The following MYO16 variants were observed in gnomAD, a reference collection of about 807,000 sequenced individuals.
The protein encoded by MYO16 is unconventional myosin-XVI.
In MYO16, 94 loss-of-function variants were observed where a neutral mutation model predicts 205.3. The observed-to-expected ratio is 0.46, with a 90% confidence interval of 0.39 to 0.54. MYO16 has a LOEUF of 0.54. Among genes scored for constraint, MYO16 ranks in the 20% least tolerant of loss-of-function variants. MYO16 has a pLI of 0.00. For missense variants in MYO16, 2,315 were observed against 2,387.5 expected (o/e 0.97, Z 0.63); for synonymous variants, 988 against 954.0 (o/e 1.04, Z -0.66).
intron 34 of MYO16, among the ~76,000 whole-genome samples, chr13:109,197,344 A>G (rs2139960444): frequency 6.6e-6 from 1 of 151,774 alleles, no homozygotes; most frequent in African/African-American, 2.4e-5. Context: ...GCTTGAAGGC[A>G]CTCTCTTCTG....
intron 34 of MYO16, among the ~76,000 whole-genome samples, chr13:109,199,578 A>T (rs1172764198): frequency 6.6e-6 from 1 of 152,182 alleles, no homozygotes; most frequent in African/African-American, 2.4e-5. Flanking sequence ...ATGGAAAATG[A>T]GCTTTAAGTT....
intron 2 of MYO16, among the ~76,000 whole-genome samples, chr13:108,677,266 A>G (rs1882254131): frequency 6.6e-6 from 1 of 150,640 alleles, no homozygotes; most frequent in Non-Finnish European, 1.5e-5. Context: ...GAGACTGTGT[A>G]TGAGTCAGAG....
the MYO16 span, among the ~76,000 whole-genome samples, chr13:108,573,911 C>T: frequency 9.2e-5 from 14 of 152,146 alleles, no homozygotes; most frequent in Non-Finnish European, 1.9e-4. Context: ...AGTCCAGTGG[C>T]ACAATCATGA....
At chr13:109,187,217 T>G (rs1378688162) in intron 34 of MYO16, among the ~76,000 whole-genome samples, 1 of 152,224 alleles carries the variant, frequency 6.6e-6, no homozygotes, top group East Asian at 1.9e-4. Context: ...ATTTTCCACA[T>G]ATTCTGGATA....
the MYO16 span, among the ~76,000 whole-genome samples, chr13:108,554,626 G>A: frequency 9.2e-5 from 14 of 152,074 alleles, no homozygotes; most frequent in Non-Finnish European, 1.6e-4. Flanking sequence ...GAGGCGGGCG[G>A]ATCACGATGT....
At chr13:108,808,996 T>G (rs1441436270) in intron 7 of MYO16, among the ~76,000 whole-genome samples, 1 of 152,216 alleles carries the variant, frequency 6.6e-6, no homozygotes, top group Non-Finnish European at 1.5e-5. Context: ...TACCTGCCTT[T>G]ACCTGTCACA....
In MYO16 at chr13:108,910,168, T is replaced by C; in HGVS notation, c.1925+18T>C. ...GCACACCGGTGAGTGACTAAGTATT[T>C]TGTATCTAAAAGCTATGCCTTCAAA... On this transcript the variant is annotated intron_variant, in intron 16 of 34. Transcript: ENST00000457511. 1 of 1,604,968 alleles carries C rather than the reference T, an allele frequency of 6.2e-7. No homozygotes were observed. Among genetic ancestry groups the C allele is most frequent in the Non-Finnish European group, 8.5e-7 (1 of 1,174,476 alleles).
intron 2 of MYO16, among the ~76,000 whole-genome samples, chr13:108,702,858 C>T (rs1423371921): frequency 6.6e-6 from 1 of 151,860 alleles, no homozygotes; most frequent in Non-Finnish European, 1.5e-5. Flanking sequence ...ATTTAGTTGA[C>T]ATTAATTTGA....
At chr13:108,988,767 T>C (rs1340423384) in intron 20 of MYO16, among the ~76,000 whole-genome samples, 1 of 152,166 alleles carries the variant, frequency 6.6e-6, no homozygotes, top group Non-Finnish European at 1.5e-5. Flanking sequence ...GGGTCTCTTC[T>C]GCCAAGGTCA....
chr13:108,615,608 A>G (rs549840597), intron 1 of MYO16, among the ~76,000 whole-genome samples: 3 of 152,274 alleles, frequency 2.0e-5, no homozygotes, highest in Non-Finnish European at 2.9e-5. Flanking sequence ...GCAATTGAGT[A>G]TTATTCAATA....
Position 108,697,359 on chromosome 13 carries a change from G to A in MYO16, c.293-15302G>A, listed in dbSNP as rs971188822. Among the ~76,000 whole-genome samples, 17 of 152,248 alleles carry A rather than the reference G, an allele frequency of 1.1e-4. No individual in the cohort carries two copies. The South Asian group carries it at 1.2e-3, about 11-fold the overall frequency. On this transcript the variant is annotated intron_variant, in intron 2 of 34. Coordinates refer to ENST00000457511, the MANE Select transcript of MYO16 (RefSeq NM_001198950.3). ...TCTGTTTACCTTCCACTGTGATCAC[G>A]AAGTTGGCTAAAGTCCTATCCCCAG...
intron 1 of MYO16, among the ~76,000 whole-genome samples, chr13:108,612,330 G>A (rs1490806812): frequency 6.6e-6 from 1 of 152,100 alleles, no homozygotes; most frequent in Non-Finnish European, 1.5e-5. Flanking sequence ...TAGAAAAAAA[G>A]TAATAATATC....
At chr13:108,860,082 G>T (rs1463791098) in intron 11 of MYO16, among the ~76,000 whole-genome samples, 1 of 151,894 alleles carries the variant, frequency 6.6e-6, no homozygotes, top group Non-Finnish European at 1.5e-5. Context: ...GTGTCATAGA[G>T]GTTTGTTGTA....
chr13:108,684,841 G>A (rs1882608575), intron 2 of MYO16, among the ~76,000 whole-genome samples: 1 of 152,156 alleles, frequency 6.6e-6, no homozygotes, highest in African/African-American at 2.4e-5. Context: ...GCCGCCTGGT[G>A]AGCCTGGAAG....
At position 108,704,377 on chromosome 13, in the gene MYO16, G is replaced by A. The variant is rs377518379; in HGVS notation, c.293-8284G>A. Among the ~76,000 whole-genome samples the A allele has an allele frequency of 1.1e-4, 17 of 152,218 alleles. No homozygotes were observed. The East Asian group carries it at 1.2e-3, about 10-fold the overall frequency. On this transcript the variant is annotated intron_variant, in intron 2 of 34. Coordinates refer to ENST00000457511, the MANE Select transcript of MYO16 (RefSeq NM_001198950.3). ...ACACTCATCTTTCTTTAAGAATTTC[G>A]TTTTTGCTGGGAATGATGGTTTCCA...
chr13:109,034,823 C>G (rs1449402516), intron 23 of MYO16, among the ~76,000 whole-genome samples: 2 of 152,090 alleles, frequency 1.3e-5, no homozygotes, highest in Non-Finnish European at 2.9e-5. Context: ...TAAGCCATTC[C>G]TAGCCCCCTA....
At chr13:109,050,101 A>G (rs560814035) in intron 24 of MYO16, among the ~76,000 whole-genome samples, 6 of 152,190 alleles carry the variant, frequency 3.9e-5, no homozygotes, top group African/African-American at 1.4e-4. Context: ...TTCAACAGGG[A>G]TGTACTACTC....
chr13:108,714,125 C>G (rs9555497), intron 3 of MYO16, among the ~76,000 whole-genome samples: 1 of 152,046 alleles, frequency 6.6e-6, no homozygotes, highest in African/African-American at 2.4e-5. Context: ...GGTGCAATCT[C>G]GGCTCACTGC....
In MYO16 at chr13:108,810,739, T is replaced by C. The variant is rs530647827; in HGVS notation, c.867+3935T>C. ...AAAAAGCGTTAGAAATGTGAACATT[T>C]TAGAGAGACTAATGGCATTTTTAGA... is the stretch of plus-strand genomic sequence containing the variant. On this transcript the variant is annotated intron_variant, in intron 7 of 34. Transcript: ENST00000457511. Among the ~76,000 whole-genome samples the C allele has an allele frequency of 1.7e-3, 258 of 152,300 alleles. 1 individual carries two copies. Among genetic ancestry groups the C allele is most frequent in the African/African-American group, 6.0e-3 (250 of 41,580 alleles).
Sources: allele counts gnomAD v4.1 joint callset (sites outside exome capture counted in the v4.1 genomes callset), GRCh38; gene constraint gnomAD v4.1.1; transcripts MANE v1.5; gene names NCBI Gene and HGNC (gene_info 2026-07-23, HGNC 2026-07-21).